ABHD1: variants seen among roughly 807,000 people sequenced by gnomAD.
ABHD1 encodes the protein abhydrolase domain containing 1.
ABHD1 carries 47 observed loss-of-function variants against 41.4 expected under a neutral mutation model. The observed-to-expected ratio is 1.13, with a 90% CI of 0.90 to 1.45. ABHD1 has a LOEUF of 1.45. Among genes scored for constraint, ABHD1 ranks in the 40% most tolerant of loss-of-function variants. The probability of loss-of-function intolerance (pLI) is 0.00; values close to 1 mark genes in which losing one functional copy is unlikely to be tolerated. For synonymous variants in ABHD1, 205 were observed against 203.7 expected (o/e 1.01, Z -0.05); for missense variants, 550 against 503.4 (o/e 1.09, Z -0.89).
chr2:27,127,846 G>GCGCCCGGGATTACAGGCATGAGCC (rs1672037035), intron 1 of ABHD1, among the ~76,000 whole-genome samples: 3 of 152,024 alleles, frequency 2.0e-5, no homozygotes, highest in Admixed American at 6.6e-5. Context: ...AGGCATGAGC[G>GCGCCCGGGATTACAGGCATGAGCC]ACTGCGCCCG....
Position 27,130,141 on chromosome 2 carries a change from C to T in ABHD1, c.828C>T (p.Asp276=). ...TGATTGAAAAGGTGGTGGACATAGA[C>T]TTTGTACTACAGGTATAATATTCAG... is the stretch of plus-strand genomic sequence containing the variant. The part of the protein sequence containing the change: ...RKVIEKVVDI[D]FVLQARTIRQ... Residue 276 remains aspartate, a synonymous_variant, in exon 7 of 9, where the codon GAC becomes GAT. Transcript: ENST00000316470. 3 of 1,614,208 alleles carry T rather than the reference C, an allele frequency of 1.9e-6. No homozygotes were observed. Among genetic ancestry groups the T allele is most frequent in the Non-Finnish European group, 2.5e-6 (3 of 1,180,048 alleles).
chr2:27,124,448 C>T (rs1671872756), intron 1 of ABHD1: 1 of 361,862 alleles, frequency 2.8e-6, no homozygotes, highest in Non-Finnish European at 5.4e-6. Context: ...CAATACCACC[C>T]ACCCCCCAAA....
chr2:27,126,046 T>C (rs1453998141), intron 1 of ABHD1: 1 of 152,222 alleles, frequency 6.6e-6, no homozygotes, highest in East Asian at 1.9e-4. Flanking sequence ...TCTGGCAAGC[T>C]TCTGGCCCTT....
chr2:27,128,544 G>C lies in ABHD1; in HGVS notation c.218G>C (p.Arg73Pro). The change falls in exon 2 of 9, where the codon CGA (arginine) becomes CCA (proline). Residue 73 changes from arginine to proline, a missense_variant. Arg to Pro is a moderately radical substitution (Grantham distance 103, BLOSUM62 -2). Transcript: ENST00000316470. ...CCAACGCTGTGGTGTTTTGAGGGGCGACTACAAAGCATCTTCCAAGTCCTC... is the reference window on the plus strand; with the variant it reads ...CCAACGCTGTGGTGTTTTGAGGGGCCACTACAAAGCATCTTCCAAGTCCTC... Reference protein sequence around the residue: ...FYPTLWCFEGRLQSIFQVLLQ... With the variant: ...FYPTLWCFEGPLQSIFQVLLQ... 6.2e-7 allele frequency: 1 copy of C among 1,613,910 alleles called. No individual in the cohort carries two copies. The highest frequency in any genetic ancestry group is 8.5e-7 in the Non-Finnish European group (1 of 1,179,994).
rs758732729 is a variant in ABHD1, at chr2:27,129,838, C to T, written c.702C>T (p.Ser234=). The T allele has an allele frequency of 1.2e-6, 2 of 1,614,200 alleles. No individual in the cohort carries two copies. The highest frequency in any genetic ancestry group is 1.7e-6 in the Non-Finnish European group (2 of 1,180,042). ...TGACTCTGTCTGCATGCTGGGATTC[C>T]TTTGAGACCACTCGCTCCCTGGAAA... ...AALTLSACWD[S]FETTRSLETP... is the part of the protein sequence containing the mutation. Residue 234 remains serine (S), a synonymous_variant, in exon 6 of 9, where the codon TCC becomes TCT. Transcript: ENST00000316470.
Position 27,124,049 on chromosome 2 carries a change from CATGTGTGCTTCAGGTG to C in ABHD1, c.102_114+3del. ...GCCCTCTACTTGGGCTACTACTGGG[CATGTGTGCTTCAGGTG>C]GGTGCGGGTCCACCGCTCTGGCCAG... On this transcript the variant is annotated splice_donor_variant and splice_donor_region_variant and coding_sequence_variant and intron_variant, in exon 1 of 9. Coordinates refer to ENST00000316470, the MANE Select transcript of ABHD1 (RefSeq NM_032604.4). LOFTEE classifies it high-confidence loss of function. 1 of 1,614,154 alleles carries C rather than the reference CATGTGTGCTTCAGGTG, an allele frequency of 6.2e-7. No homozygotes were observed.
At position 27,130,271 on chromosome 2, in the gene ABHD1, T is replaced by G. The variant is rs763250835; in HGVS notation, c.861T>G (p.Phe287Leu). The change falls in exon 8 of 9, where the codon TTT becomes TTG. Residue 287 changes from phenylalanine (F) to leucine (L), a missense_variant. By Grantham distance (22) the Phe-to-Leu change is conservative (BLOSUM62 0). Coordinates refer to ENST00000316470, the MANE Select transcript of ABHD1 (RefSeq NM_032604.4). ...TGCAGGCCCGTACAATCCGCCAGTT[T>G]GATGAGCGCTACACATCTGTGGCCT... ...FVLQARTIRQFDERYTSVAFG... is the reference protein window; with the variant it reads ...FVLQARTIRQLDERYTSVAFG... 14 of 1,614,072 alleles carry G rather than the reference T, an allele frequency of 8.7e-6. No individual in the cohort carries two copies. Among genetic ancestry groups the G allele is most frequent in the Admixed American group, 5.0e-5 (3 of 59,998 alleles).
At chr2:27,127,636 A>T (rs529996606) in intron 1 of ABHD1, among the ~76,000 whole-genome samples, 1 of 148,464 alleles carries the variant, frequency 6.7e-6, no homozygotes, top group African/African-American at 2.5e-5. Context: ...ACCTCGGCTC[A>T]CTGCAACCTC....
intron 6 of ABHD1, 77 bp from the exon 7 acceptor site, chr2:27,130,028 C>T (rs967649434): frequency 6.2e-7 from 1 of 1,610,376 alleles, no homozygotes; most frequent in Admixed American, 1.7e-5. Context: ...CTTCCTCACA[C>T]ATGAGATAGT....
rs1672138165 is a variant in ABHD1 at position 27,129,632 on chromosome 2, G to C, written c.617+6G>C. ...GTGGGCATCTCTTTTGGAGGGTAAA[G>C]ATTGCCTGGGCTTAGCCCAGAGGCC... On this transcript the variant is annotated splice_donor_region_variant and intron_variant, in intron 5 of 8. Transcript: ENST00000316470. 1 of 1,612,028 alleles carries C rather than the reference G, an allele frequency of 6.2e-7. No individual in the cohort carries two copies. The highest frequency in any genetic ancestry group is 8.5e-7 in the Non-Finnish European group (1 of 1,179,952).
intron 1 of ABHD1, among the ~76,000 whole-genome samples, chr2:27,127,687 G>C (rs962820658): frequency 2.0e-5 from 3 of 149,904 alleles, no homozygotes; most frequent in Non-Finnish European, 4.4e-5. Flanking sequence ...TCAGCCTCCC[G>C]AGTAACTGAG....
chr2:27,127,532 C>T (rs1358800865), intron 1 of ABHD1, among the ~76,000 whole-genome samples: 1 of 107,084 alleles, frequency 9.3e-6, no homozygotes, highest in African/African-American at 4.0e-5. Flanking sequence ...CCAGCCTGGG[C>T]AACAGAGCGA....
chr2:27,128,402 A>T, intron 1 of ABHD1, 39 bp from the exon 2 acceptor site: 2 of 1,612,320 alleles, frequency 1.2e-6, no homozygotes, highest in Non-Finnish European at 1.7e-6. Flanking sequence ...GCTTGGTGCA[A>T]AAGTCAGGGA....
At chr2:27,126,945 C>CAA (rs35167727) in intron 1 of ABHD1, 12,328 of 133,176 alleles carry the variant, frequency 0.093, 691 homozygotes, top group African/African-American at 0.16. Context: ...ACTAAAAATA[C>CAA]AAAAAAAAAA....
intron 1 of ABHD1, chr2:27,124,559 G>A (rs921776004): frequency 4.5e-5 from 13 of 287,198 alleles, no homozygotes; most frequent in Non-Finnish European, 6.1e-5. Context: ...TCATTCAGCC[G>A]TTTTATGTTC....
Position 27,130,390 on chromosome 2 carries a change from C to T in ABHD1, c.980C>T (p.Ala327Val). The T allele has an allele frequency of 6.2e-7, 1 of 1,614,194 alleles. No individual in the cohort carries two copies. The highest frequency in any genetic ancestry group is 8.5e-7 in the Non-Finnish European group (1 of 1,180,034). The change falls in exon 8 of 9, where the codon GCA becomes GTA. Residue 327 changes from alanine (A) to valine (V), a missense_variant. By Grantham distance (64) the Ala-to-Val change is moderately conservative. Coordinates refer to ENST00000316470, the MANE Select transcript of ABHD1 (RefSeq NM_032604.4). ...ATCCCTGTGCTCTATCTCAGTGCAGCAGATGACCCCTTCTCCCCCGTCTGT... is the reference window on the plus strand; with the variant it reads ...ATCCCTGTGCTCTATCTCAGTGCAGTAGATGACCCCTTCTCCCCCGTCTGT... ...IRIPVLYLSA[A>V]DDPFSPVCAL...
chr2:27,129,004 A>G lies in ABHD1; in HGVS notation c.335A>G (p.Asp112Gly), dbSNP rs768246311. The G allele has an allele frequency of 2.5e-6, 4 of 1,614,198 alleles. No homozygotes were observed. The South Asian group carries it at 4.4e-5, about 18-fold the overall frequency. Residue 112 changes from aspartate to glycine, a missense_variant, in exon 3 of 9, where the codon GAC (aspartate) becomes GGC (glycine). Physicochemically the swap from Asp to Gly is moderately conservative, Grantham distance 94. Transcript: ENST00000316470. ...QLLLDWAKQP[D>G]SSQDPDPTTQ... ...CTGCTAGACTGGGCCAAGCAGCCTGACAGCAGCCAAGACCCTGATCCTACT... is the reference window on the plus strand; with the variant it reads ...CTGCTAGACTGGGCCAAGCAGCCTGGCAGCAGCCAAGACCCTGATCCTACT...
intron 1 of ABHD1, chr2:27,125,161 T>C (rs4665947): frequency 0.34 from 50,879 of 151,392 alleles, 9,171 homozygotes; most frequent in Admixed American, 0.51. Flanking sequence ...AAAGTCTTCC[T>C]TAATAAAACA....
intron 1 of ABHD1, chr2:27,124,601 A>G (rs901139732): frequency 1.5e-5 from 3 of 202,002 alleles, no homozygotes; most frequent in Non-Finnish European, 3.1e-5. Flanking sequence ...GTGATGAGAA[A>G]GTTTGAAGAG....
Sources: gnomAD v4.1 joint callset for allele counts (sites outside exome capture counted in the v4.1 genomes callset) on GRCh38, gnomAD v4.1.1 for gene constraint, MANE v1.5 for transcripts, NCBI Gene and HGNC (gene_info 2026-07-23, HGNC 2026-07-21) for gene names.